Variants in SPRYD3 observed in about 807,000 individuals in gnomAD.
SPRYD3 encodes the protein SPRY domain-containing protein 3.
Under a neutral mutation model 50.1 loss-of-function variants are expected in SPRYD3, and 17 were observed. That is an observed-to-expected ratio of 0.34 (90% CI 0.23 to 0.51). The LOEUF (loss-of-function observed/expected upper bound fraction) is 0.51, where lower values mean the gene tolerates loss of function less well. Among genes scored for constraint, SPRYD3 ranks in the 20% least tolerant of loss-of-function variants. The pLI is 0.97. For missense variants in SPRYD3, 401 were observed against 591.2 expected, an observed-to-expected ratio of 0.68 and a Z score of 3.34; for synonymous variants, 198 against 215.5, an observed-to-expected ratio of 0.92 and a Z score of 0.71.
chr12:53,066,459 A>G lies in SPRYD3; in HGVS notation c.1049T>C (p.Val350Ala), dbSNP rs560391410. 3 of 1,614,032 alleles carry G rather than the reference A, an allele frequency of 1.9e-6. No homozygotes were observed. The highest frequency in any genetic ancestry group is 2.2e-5 in the South Asian group (2 of 91,076). Residue 350 changes from valine to alanine, a missense_variant, in exon 10 of 11, where the codon GTG becomes GCG. Physicochemically the swap from Val to Ala is moderately conservative, Grantham distance 64. Coordinates refer to ENST00000301463, the MANE Select transcript of SPRYD3 (RefSeq NM_032840.3). ...GGCCCGGGCAGTCGGAGACAGGATC[A>G]CTGTGTCACAACTGTCATCACTGTC... ...EGDSDDSCDTVILSPTARAVR... is the reference protein window; with the variant it reads ...EGDSDDSCDTAILSPTARAVR...
At chr12:53,077,007 A>T (rs1409394463) in intron 2 of SPRYD3, 108 bp downstream of exon 2, 3 of 960,016 alleles carry the variant, frequency 3.1e-6, no homozygotes, top group Non-Finnish European at 4.7e-6. Context: ...TTCCCTGTGC[A>T]GTGCACAGTC....
intron 5 of SPRYD3, among the ~76,000 whole-genome samples, chr12:53,073,996 A>C (rs1944570427): frequency 6.6e-6 from 1 of 152,090 alleles, no homozygotes; most frequent in South Asian, 2.1e-4. Context: ...AGACAAACAC[A>C]AGTCTCCTGA....
rs1287445283 is a variant in SPRYD3, at chr12:53,066,398, C to G, written c.1110G>C (p.Gln370His). The change falls in exon 10 of 11, where the codon CAG (glutamine) becomes CAC (histidine). Residue 370 changes from glutamine (Q) to histidine (H), a missense_variant. By Grantham distance (24) the Gln-to-His change is conservative. Transcript: ENST00000301463. The stretch of plus-strand genomic sequence containing the variant: ...CTTCCTCCTCTTCCTCTTCCCCTTC[C>G]TGGTGCAGGTACATGACATTCCGCA... The part of the protein sequence containing the change: ...RNVRNVMYLH[Q>H]EGEEEEEEEE... 1 of 1,614,184 alleles carries G rather than the reference C, an allele frequency of 6.2e-7. No homozygotes were observed.
intron 6 of SPRYD3, 30 bp downstream of exon 6, chr12:53,073,256 G>GGCCCCGGGGGGGGGGGGGGCC: frequency 3.5e-5 from 15 of 424,130 alleles, no homozygotes; most frequent in East Asian, 7.6e-5. Context: ...CTCCGACCCA[G>GGCCCCGGGGGGGGGGGGGGCC]CCCCTCCCAC....
chr12:53,065,796 T>C lies in SPRYD3; in HGVS notation c.*36A>G. The C allele has an allele frequency of 6.3e-7, 1 of 1,592,308 alleles. No homozygotes were observed. Among genetic ancestry groups the C allele is most frequent in the East Asian group, 2.2e-5 (1 of 44,496 alleles). On this transcript the variant is annotated 3_prime_UTR_variant, in exon 11 of 11. Transcript: ENST00000301463. ...ACTGGGTGCCTGGCCCAGCAGAGGG[T>C]GAGCAGGGAGAAGGAGCAGGTCTGG...
intron 1 of SPRYD3, 98 bp downstream of exon 1, chr12:53,079,212 GC>G: frequency 8.2e-7 from 1 of 1,213,108 alleles, no homozygotes; most frequent in Non-Finnish European, 1.2e-6. Flanking sequence ...GCAGGGCCCC[GC>G]CCCTGGCCCC....
chr12:53,073,256 G>GGCCCCGGGGGGGGGGGGGGGGGGGGCC, intron 6 of SPRYD3, 30 bp downstream of exon 6: 1 of 424,132 alleles, frequency 2.4e-6, no homozygotes, highest in Non-Finnish European at 4.4e-6. Flanking sequence ...CTCCGACCCA[G>GGCCCCGGGGGGGGGGGGGGGGGGGGCC]CCCCTCCCAC....
chr12:53,070,313 G>T (rs958129684), intron 6 of SPRYD3, among the ~76,000 whole-genome samples: 1 of 152,180 alleles, frequency 6.6e-6, no homozygotes, highest in African/African-American at 2.4e-5. Context: ...CCCCTCCTGA[G>T]CCTTCCCAGA....
At chr12:53,067,171 A>G (rs1944516131) in intron 8 of SPRYD3, among the ~76,000 whole-genome samples, 1 of 151,932 alleles carries the variant, frequency 6.6e-6, no homozygotes, top group Non-Finnish European at 1.5e-5. Flanking sequence ...AAATAAAATA[A>G]AGAGACGTAG....
intron 1 of SPRYD3, among the ~76,000 whole-genome samples, chr12:53,077,656 A>C (rs1944599390): frequency 6.6e-6 from 1 of 152,248 alleles, no homozygotes; most frequent in Non-Finnish European, 1.5e-5. Context: ...GGAGCTAGGC[A>C]TGACAAGCCA....
Position 53,074,909 on chromosome 12 carries a change from G to A in SPRYD3, c.372-125C>T, listed in dbSNP as rs1944577736. The A allele has an allele frequency of 3.6e-6, 5 of 1,381,568 alleles. No individual in the cohort carries two copies. The highest frequency in any genetic ancestry group is 1.3e-5 in the South Asian group (1 of 77,974). 85.6% of individuals were successfully genotyped at this position (1,381,568 alleles called of 1,614,324 possible). On this transcript the variant is annotated intron_variant, in intron 4 of 10. Coordinates refer to ENST00000301463, the MANE Select transcript of SPRYD3 (RefSeq NM_032840.3). This position sits in a 1 kb window ranked among gnomAD's most constrained non-coding sequence, Gnocchi z 4.6. ...TCATTCTGTGATGGTACCCACTTACGTCCTGGCGTGAGCATCACCCTCCTC... is the reference window on the plus strand; with the variant it reads ...TCATTCTGTGATGGTACCCACTTACATCCTGGCGTGAGCATCACCCTCCTC...
intron 1 of SPRYD3, 102 bp from the exon 2 acceptor site, chr12:53,077,363 GC>G: frequency 1.5e-6 from 2 of 1,294,176 alleles, no homozygotes; most frequent in Non-Finnish European, 2.1e-6. Flanking sequence ...CTTGAGGCCA[GC>G]TGCCCAGATT....
chr12:53,075,866 G>T, intron 2 of SPRYD3, 55 bp from the exon 3 acceptor site: 1 of 1,437,116 alleles, frequency 7.0e-7, no homozygotes, highest in Non-Finnish European at 9.8e-7. Flanking sequence ...AGAGTAGGGG[G>T]AGGGCCTCAG....
chr12:53,078,890 A>T (rs1375252520), intron 1 of SPRYD3, among the ~76,000 whole-genome samples: 1 of 152,166 alleles, frequency 6.6e-6, no homozygotes, highest in Non-Finnish European at 1.5e-5. Context: ...TACGACTCTT[A>T]TGCAGTAGCT....
chr12:53,073,260 C>CCGGGGGGGGGGGGGGGGGGG, intron 6 of SPRYD3, 26 bp downstream of exon 6: 16 of 416,302 alleles, frequency 3.8e-5, no homozygotes, highest in East Asian at 1.1e-4. Flanking sequence ...GACCCAGCCC[C>CCGGGGGGGGGGGGGGGGGGG]TCCCACCCTC....
In SPRYD3 at chr12:53,066,116, G is replaced by A. The variant is rs1359617633; in HGVS notation, c.1195-150C>T. On this transcript the variant is annotated intron_variant, in intron 10 of 10. Coordinates refer to ENST00000301463, the MANE Select transcript of SPRYD3 (RefSeq NM_032840.3). The stretch of plus-strand genomic sequence containing the variant: ...AAGGTGTTATGGGAAGTGACCACCA[G>A]AGGGCGTGCTGAGGCCGGAAAACAG... 1.5e-5 allele frequency: 20 copies of A among 1,355,288 alleles called. No individual in the cohort carries two copies. The Admixed American group carries it at 1.5e-4, about 10-fold the overall frequency. The allele number at this position is 1,355,288 out of a possible 1,614,324, so 84.0% of individuals were successfully genotyped here.
chr12:53,065,869 T>C lies in SPRYD3; in HGVS notation c.1292A>G (p.Glu431Gly), dbSNP rs1431379250. Residue 431 changes from glutamate (E) to glycine (G), a missense_variant, in exon 11 of 11, where the codon GAG (glutamate) becomes GGG (glycine). Transcript: ENST00000301463. Reference sequence around the variant, plus strand: ...GGGGTGCAGATCTACTTTGACTTTCTCCCCGCAGCTCAGCATTCCAATGGT... The same window carrying C: ...GGGGTGCAGATCTACTTTGACTTTCCCCCCGCAGCTCAGCATTCCAATGGT... ...FPTIGMLSCG[E>G]KVKVDLHPLS... The C allele has an allele frequency of 2.3e-5, 37 of 1,613,614 alleles. No homozygotes were observed. The highest frequency in any genetic ancestry group is 3.1e-5 in the Non-Finnish European group (37 of 1,179,896).
rs1381384416 is a variant in SPRYD3 at position 53,066,580 on chromosome 12, G to T, written c.1014C>A (p.Asp338Glu). The T allele has an allele frequency of 1.2e-6, 2 of 1,613,924 alleles. No individual in the cohort carries two copies. The highest frequency in any genetic ancestry group is 1.7e-6 in the Non-Finnish European group (2 of 1,179,912). The change falls in exon 9 of 11, where the codon GAC (aspartate) becomes GAA (glutamate). Residue 338 changes from aspartate (D) to glutamate (E), a missense_variant. By Grantham distance (45) the Asp-to-Glu change is conservative. Transcript: ENST00000301463. ...GIMFPRDYIL[D>E]SEGDSDDSCD... ...CACCCCTACCCCACTCACCCTCACT[G>T]TCCAAAATGTAGTCCCGGGGGAACA...
intron 1 of SPRYD3, among the ~76,000 whole-genome samples, chr12:53,078,762 T>C (rs1007449375): frequency 2.6e-5 from 4 of 152,204 alleles, no homozygotes; most frequent in African/African-American, 9.7e-5. Flanking sequence ...TGAAGTACTC[T>C]TCTCTTCCCA....
Sources: allele counts gnomAD v4.1 joint callset (sites outside exome capture counted in the v4.1 genomes callset), GRCh38; gene constraint gnomAD v4.1.1; non-coding constraint Gnocchi (gnomAD v3.1); transcripts MANE v1.5; gene names NCBI Gene and HGNC (gene_info 2026-07-23, HGNC 2026-07-21).